GRM1: variants seen among roughly 807,000 people sequenced by gnomAD.
GRM1 encodes the protein glutamate metabotropic receptor 1.
In GRM1, 33 loss-of-function variants were observed where a neutral mutation model predicts 90.9. The ratio of observed to expected loss-of-function variants is 0.36; its 90% CI spans 0.28 to 0.49. GRM1 has a LOEUF of 0.49. Among genes scored for constraint, GRM1 ranks in the 20% least tolerant of loss-of-function variants. The pLI is 0.99. For synonymous variants in GRM1, 700 were observed against 613.2 expected (o/e 1.14, Z -2.09); for missense variants, 1,190 against 1,534.3 (o/e 0.78, Z 3.75).
intron 1 of GRM1, among the ~76,000 whole-genome samples, chr6:146,052,026 C>G (rs1470583777): frequency 6.6e-6 from 1 of 152,010 alleles, no homozygotes; most frequent in South Asian, 2.1e-4. Context: ...TCTTATATCT[C>G]TTCTGATTTA....
rs1777072688 is a variant in GRM1 at position 146,399,323 on chromosome 6, C to T, written c.2284C>T (p.Leu762Phe). ...GGTGGCCCCTTTGGGCTACAATGGA[C>T]TCCTCATCATGAGCTGTACCTACTA... Reference protein sequence around the residue: ...GVVAPLGYNGLLIMSCTYYAF... With the variant: ...GVVAPLGYNGFLIMSCTYYAF... The change falls in exon 7 of 8, where the codon CTC (leucine) becomes TTC (phenylalanine). Residue 762 changes from leucine (L) to phenylalanine (F), a missense_variant. Around this residue, in one of 10 missense-constraint regions of GRM1, gnomAD observed 73 missense variants for 150.6 expected, o/e 0.48. Coordinates refer to ENST00000282753, the MANE Select transcript of GRM1 (RefSeq NM_001278064.2). The surrounding 1 kb of genome is among the most constrained non-coding windows in gnomAD (Gnocchi z 5.4). 1 of 1,614,046 alleles carries T rather than the reference C, an allele frequency of 6.2e-7. No homozygotes were observed. The highest frequency in any genetic ancestry group is 1.7e-5 in the Admixed American group (1 of 60,010).
chr6:146,029,384 G>C lies in GRM1; in HGVS notation c.-134G>C, dbSNP rs1790625044. The C allele has an allele frequency of 1.3e-6, 1 of 780,690 alleles. No homozygotes were observed. Among genetic ancestry groups the C allele is most frequent in the Admixed American group, 1.8e-5 (1 of 56,034 alleles). The allele number at this position is 780,690 out of a possible 1,614,324, so 48.4% of individuals were successfully genotyped here. On this transcript the variant is annotated 5_prime_UTR_variant, in exon 1 of 8. Coordinates refer to ENST00000282753, the MANE Select transcript of GRM1 (RefSeq NM_001278064.2). ...CGGTGGTGGAGGAGGCAAAGGCCTT[G>C]GACGACCATTGTTGGCGAGGGGCAC...
At chr6:146,307,433 G>T (rs549902792) in intron 3 of GRM1, among the ~76,000 whole-genome samples, 3 of 151,944 alleles carry the variant, frequency 2.0e-5, no homozygotes, top group Non-Finnish European at 4.4e-5. Context: ...TTTATCTTTA[G>T]CAGTGTTTAT....
chr6:146,159,203 G>C lies in GRM1; in HGVS notation c.701-145G>C, dbSNP rs993198934. ...TTGATTACTCTCTTTAATCCATCCA[G>C]ATCTTCCGTCAGTCTCAGCCATATT... is the stretch of plus-strand genomic sequence containing the variant. On this transcript the variant is annotated intron_variant, in intron 1 of 7. Transcript: ENST00000282753. 2.8e-5 allele frequency: 26 copies of C among 914,304 alleles called. No individual in the cohort carries two copies. The African/African-American group carries it at 3.4e-4, about 12-fold the overall frequency. 56.6% of individuals were successfully genotyped at this position (914,304 alleles called of 1,614,324 possible). A position where few individuals can be genotyped will look rare whatever the true frequency, so the allele number is the denominator to read the frequency against.
At chr6:146,068,575 A>C (rs2128857600) in intron 1 of GRM1, among the ~76,000 whole-genome samples, 1 of 152,346 alleles carries the variant, frequency 6.6e-6, no homozygotes, top group African/African-American at 2.4e-5. Context: ...GGCTCCTTAA[A>C]TTTCAGGCCA....
intron 2 of GRM1, among the ~76,000 whole-genome samples, chr6:146,169,388 C>T (rs1778019884): frequency 6.6e-6 from 1 of 152,106 alleles, no homozygotes; most frequent in African/African-American, 2.4e-5. Flanking sequence ...GGCAGGCTTT[C>T]CACTGCAGTT....
intron 2 of GRM1, among the ~76,000 whole-genome samples, chr6:146,204,910 A>G (rs1427285830): frequency 6.6e-6 from 1 of 152,082 alleles, no homozygotes; most frequent in East Asian, 1.9e-4. Flanking sequence ...TAATGCTTTA[A>G]GATATATCCT....
chr6:146,103,851 A>T (rs1777131388), intron 1 of GRM1, among the ~76,000 whole-genome samples: 1 of 152,150 alleles, frequency 6.6e-6, no homozygotes, highest in Non-Finnish European at 1.5e-5. Context: ...ACAATACAAC[A>T]TCGTAAGTGC....
At chr6:146,208,667 G>A (rs1205773929) in intron 2 of GRM1, among the ~76,000 whole-genome samples, 3 of 151,934 alleles carry the variant, frequency 2.0e-5, no homozygotes, top group Non-Finnish European at 2.9e-5. Flanking sequence ...ACATATATAC[G>A]TATTTATACA....
At chr6:146,285,611 A>G (rs138226688) in intron 2 of GRM1, among the ~76,000 whole-genome samples, 36 of 152,270 alleles carry the variant, frequency 2.4e-4, no homozygotes, top group African/African-American at 5.5e-4. Flanking sequence ...CCTGAAAGCT[A>G]TGCTATTCTT....
At chr6:146,257,956 G>A (rs1034961681) in intron 2 of GRM1, among the ~76,000 whole-genome samples, 2 of 150,974 alleles carry the variant, frequency 1.3e-5, no homozygotes, top group East Asian at 1.9e-4. Context: ...GGATACACAC[G>A]GAACACACTT....
intron 1 of GRM1, among the ~76,000 whole-genome samples, chr6:146,157,211 C>A (rs1377238127): frequency 6.6e-6 from 1 of 151,964 alleles, no homozygotes. Flanking sequence ...GAGGAGTGAC[C>A]AGTGAAGTGA....
chr6:146,147,624 T>A (rs552750638), intron 1 of GRM1, among the ~76,000 whole-genome samples: 12 of 152,270 alleles, frequency 7.9e-5, no homozygotes, highest in Admixed American at 2.6e-4. Flanking sequence ...TATTTCCTAT[T>A]AAAAATAATT....
intron 2 of GRM1, among the ~76,000 whole-genome samples, chr6:146,225,545 A>G (rs1439627315): frequency 6.6e-6 from 1 of 152,192 alleles, no homozygotes; most frequent in Non-Finnish European, 1.5e-5. Context: ...GTATGTATTT[A>G]GAATCTATTT....
intron 7 of GRM1, among the ~76,000 whole-genome samples, chr6:146,419,847 G>A (rs960357200): frequency 3.9e-5 from 6 of 152,164 alleles, no homozygotes; most frequent in East Asian, 1.9e-4. Context: ...CACCTCCCAC[G>A]AGACCCCTTC....
intron 5 of GRM1, among the ~76,000 whole-genome samples, chr6:146,361,108 A>C (rs1775450690): frequency 6.6e-6 from 1 of 152,184 alleles, no homozygotes; most frequent in African/African-American, 2.4e-5. Flanking sequence ...GTAACACAAC[A>C]CTTCTTCAGA....
intron 1 of GRM1, among the ~76,000 whole-genome samples, chr6:146,050,811 T>C (rs1350082258): frequency 6.6e-6 from 1 of 152,070 alleles, no homozygotes; most frequent in Non-Finnish European, 1.5e-5. Flanking sequence ...TGTTTGTTTG[T>C]TCATTTGCTT....
chr6:146,366,045 C>T (rs531802223), intron 5 of GRM1, among the ~76,000 whole-genome samples: 1 of 152,226 alleles, frequency 6.6e-6, no homozygotes, highest in East Asian at 1.9e-4. Context: ...ATGACAGCTC[C>T]TCAAAGGTGG....
intron 7 of GRM1, among the ~76,000 whole-genome samples, chr6:146,407,025 A>G (rs544340776): frequency 6.6e-6 from 1 of 152,322 alleles, no homozygotes; most frequent in Non-Finnish European, 1.5e-5. Context: ...GGCCAGCGCA[A>G]GGATATTTCG....
Sources: gnomAD v4.1 joint callset for allele counts (sites outside exome capture counted in the v4.1 genomes callset) on GRCh38, gnomAD v4.1.1 for gene constraint, gnomAD v4.1.1 regional missense constraint, Gnocchi (gnomAD v3.1) non-coding constraint, MANE v1.5 for transcripts, NCBI Gene and HGNC (gene_info 2026-07-23, HGNC 2026-07-21) for gene names.